The following MMP12 variants were observed in gnomAD, a reference collection of about 807,000 sequenced individuals.
MMP12 encodes the protein macrophage metalloelastase.
In MMP12, 51 loss-of-function variants were observed where a neutral mutation model predicts 45.2. The observed-to-expected ratio is 1.13, with a 90% CI of 0.90 to 1.42. The LOEUF (loss-of-function observed/expected upper bound fraction) is 1.42, where lower values mean the gene tolerates loss of function less well. Ranked by LOEUF, MMP12 falls within the 40% of genes most tolerant of loss-of-function variation. The pLI is 0.00. For synonymous variants in MMP12, 210 were observed against 193.3 expected (o/e 1.09, Z -0.72); for missense variants, 530 against 570.8 (o/e 0.93, Z 0.73).
At chr11:102,868,288 C>A (rs758594407) in intron 4 of MMP12, among the ~76,000 whole-genome samples, 5 of 152,122 alleles carry the variant, frequency 3.3e-5, no homozygotes, top group Non-Finnish European at 5.9e-5. Context: ...GGTTTTACCC[C>A]TAAATGCAAG....
chr11:102,872,727 A>G lies in MMP12; in HGVS notation c.350+138T>C, dbSNP rs1321744805. ...CAATTCTTCCTTCTAGAGAAAATGA[A>G]TTTTAGCAGAGATAGCATTAACAAT... On this transcript the variant is annotated intron_variant, in intron 2 of 9. Transcript: ENST00000571244. 4.1e-6 allele frequency: 4 copies of G among 965,472 alleles called. No homozygotes were observed. The Admixed American group carries it at 1.2e-4, about 28-fold the overall frequency. The allele number at this position is 965,472 out of a possible 1,614,324, so 59.8% of individuals were successfully genotyped here. A position where few individuals can be genotyped will look rare whatever the true frequency, so the allele number is the denominator to read the frequency against.
In MMP12 at chr11:102,865,484, C is replaced by T. The variant is rs777865722; in HGVS notation, c.1205+292G>A. ...TGTAGATTAAATACTTGGTCTTGTA[C>T]ATCTATGACACTATTTTCCAATGTG... On this transcript the variant is annotated intron_variant, in intron 8 of 9. Coordinates refer to ENST00000571244, the MANE Select transcript of MMP12 (RefSeq NM_002426.6). The surrounding 1 kb of genome is among the most constrained non-coding windows in gnomAD (Gnocchi z 4.1). Among the ~76,000 whole-genome samples the T allele has an allele frequency of 1.3e-5, 2 of 152,136 alleles. No homozygotes were observed. The highest frequency in any genetic ancestry group is 1.3e-4 in the Admixed American group (2 of 15,252).
chr11:102,868,621 T>A (rs1859439874), intron 4 of MMP12, among the ~76,000 whole-genome samples: 1 of 152,182 alleles, frequency 6.6e-6, no homozygotes, highest in Admixed American at 6.5e-5. Context: ...TGTGAGTCAC[T>A]GAGAAATGTA....
In MMP12 at chr11:102,863,132, T is replaced by C. The variant is rs200018102; in HGVS notation, c.1381A>G (p.Thr461Ala). 3.0e-5 allele frequency: 49 copies of C among 1,611,504 alleles called. No homozygotes were observed. The African/African-American group carries it at 6.3e-4, about 21-fold the overall frequency. Residue 461 changes from threonine (T) to alanine (A), a missense_variant, in exon 10 of 10, where the codon ACA becomes GCA. Coordinates refer to ENST00000571244, the MANE Select transcript of MMP12 (RefSeq NM_002426.6). Reference sequence around the variant, plus strand: ...CCAAACCAGCTATTGCTTTTCAGTGTTTTGGTGATACGTTGGAGTAGGAAG... The same window carrying C: ...CCAAACCAGCTATTGCTTTTCAGTGCTTTGGTGATACGTTGGAGTAGGAAG... Reference protein sequence around the residue: ...YDFLLQRITKTLKSNSWFGC With the variant: ...YDFLLQRITKALKSNSWFGC
Position 102,867,948 on chromosome 11 carries a change from G to A in MMP12, c.747C>T (p.Arg249=). The A allele has an allele frequency of 6.2e-7, 1 of 1,610,384 alleles. No individual in the cohort carries two copies. The highest frequency in any genetic ancestry group is 8.5e-7 in the Non-Finnish European group (1 of 1,178,490). Residue 249 remains arginine, a synonymous_variant, in exon 5 of 10, where the codon CGC becomes CGT. Coordinates refer to ENST00000571244, the MANE Select transcript of MMP12 (RefSeq NM_002426.6). ...TYKYVDINTF[R]LSADDIRGIQ... is the part of the protein sequence containing the mutation. ...TGCCACGTATGTCATCAGCAGAGAG[G>A]CGAAATGTGTTGATGTCAACATATT...
At chr11:102,873,631 AC>A (rs1859541866) in intron 1 of MMP12, among the ~76,000 whole-genome samples, 1 of 152,122 alleles carries the variant, frequency 6.6e-6, no homozygotes, top group African/African-American at 2.4e-5. Context: ...AAACAAAAAA[AC>A]AAAGACATGT....
chr11:102,868,153 A>G, intron 4 of MMP12, 84 bp from the exon 5 acceptor site: 1 of 1,187,540 alleles, frequency 8.4e-7, no homozygotes, highest in Non-Finnish European at 1.2e-6. Flanking sequence ...GTGAAAAAGA[A>G]AGATTTGAGA....
chr11:102,869,850 C>G (rs1440977643), intron 4 of MMP12, among the ~76,000 whole-genome samples: 7 of 151,956 alleles, frequency 4.6e-5, no homozygotes, highest in Non-Finnish European at 1.0e-4. Context: ...ACCCTGGAGG[C>G]GAAGGTTGCA....
At chr11:102,870,250 G>A (rs2134422099) in intron 4 of MMP12, among the ~76,000 whole-genome samples, 1 of 152,262 alleles carries the variant, frequency 6.6e-6, no homozygotes, top group Non-Finnish European at 1.5e-5. Flanking sequence ...TTTAGATGAA[G>A]GAATTACAAT....
At chr11:102,874,349 G>A (rs1447130471) in intron 1 of MMP12, among the ~76,000 whole-genome samples, 6 of 151,812 alleles carry the variant, frequency 4.0e-5, no homozygotes, top group African/African-American at 4.8e-5. Flanking sequence ...AGTTACAGAC[G>A]AGCCTGGGCA....
rs1859377299 is a variant in MMP12 at position 102,865,891 on chromosome 11, A to T, written c.1090T>A (p.Tyr364Asn). Reference protein sequence around the residue: ...LISNLRPEPNYPKSIHSFGFP... With the variant: ...LISNLRPEPNNPKSIHSFGFP... Reference sequence around the variant, plus strand: ...CCAAAAGAATGTATGCTCTTGGGATAATTTGGCTCTGGTCTTAAATTGCTA... The same window carrying T: ...CCAAAAGAATGTATGCTCTTGGGATTATTTGGCTCTGGTCTTAAATTGCTA... The change falls in exon 8 of 10, where the codon TAT becomes AAT. Residue 364 changes from tyrosine to asparagine, a missense_variant. Tyr to Asn is a moderately radical substitution (Grantham distance 143). Transcript: ENST00000571244. This position sits in a 1 kb window ranked among gnomAD's most constrained non-coding sequence, Gnocchi z 4.1. 1 of 1,612,958 alleles carries T rather than the reference A, an allele frequency of 6.2e-7. No individual in the cohort carries two copies. Among genetic ancestry groups the T allele is most frequent in the East Asian group, 2.2e-5 (1 of 44,844 alleles).
In MMP12 at chr11:102,874,845, T is replaced by C. The variant is rs201857298; in HGVS notation, c.93A>G (p.Leu31=). ...SSTSLEKNNV[L]FGERYLEKFY... Reference sequence around the variant, plus strand: ...TAGTGTCCATACTTACTTCACCAAATAGCACATTATTTTTTTCCAGGCTTG... The same window carrying C: ...TAGTGTCCATACTTACTTCACCAAACAGCACATTATTTTTTTCCAGGCTTG... The change falls in exon 1 of 10, where the codon CTA becomes CTG. Residue 31 remains leucine (L), a synonymous_variant. Coordinates refer to ENST00000571244, the MANE Select transcript of MMP12 (RefSeq NM_002426.6). The C allele has an allele frequency of 5.6e-6, 9 of 1,597,628 alleles. No individual in the cohort carries two copies. Among genetic ancestry groups the C allele is most frequent in the Non-Finnish European group, 6.8e-6 (8 of 1,169,922 alleles).
At position 102,865,780 on chromosome 11, in the gene MMP12, A is replaced by G; in HGVS notation, c.1201T>C (p.Trp401Arg). 1 of 1,609,274 alleles carries G rather than the reference A, an allele frequency of 6.2e-7. No homozygotes were observed. Among genetic ancestry groups the G allele is most frequent in the Non-Finnish European group, 8.5e-7 (1 of 1,177,540 alleles). Reference protein sequence around the residue: ...RTYFFVDNQYWRYDERRQMMD... With the variant: ...RTYFFVDNQYRRYDERRQMMD... ...TGACCAACCATTAAAACTCACCTCC[A>G]ATACTGGTTATCTACAAAGAAGTAG... Residue 401 changes from tryptophan (W) to arginine (R), a missense_variant, in exon 8 of 10, where the codon TGG (tryptophan) becomes CGG (arginine). By Grantham distance (101) the Trp-to-Arg change is moderately radical. Coordinates refer to ENST00000571244, the MANE Select transcript of MMP12 (RefSeq NM_002426.6). The surrounding 1 kb of genome is among the most constrained non-coding windows in gnomAD (Gnocchi z 4.1).
chr11:102,863,053 C>A lies in MMP12; in HGVS notation c.*47G>T. On this transcript the variant is annotated 3_prime_UTR_variant, in exon 10 of 10. Transcript: ENST00000571244. Reference sequence around the variant, plus strand: ...GGACATAGCAAATATGCAATAAATACTTATTAAGCTGAAGTGAACTAACAA... The same window carrying A: ...GGACATAGCAAATATGCAATAAATAATTATTAAGCTGAAGTGAACTAACAA... 1 of 1,241,402 alleles carries A rather than the reference C, an allele frequency of 8.1e-7. No homozygotes were observed. Among genetic ancestry groups the A allele is most frequent in the South Asian group, 1.3e-5 (1 of 76,912 alleles). 76.9% of individuals were successfully genotyped at this position (1,241,402 alleles called of 1,614,324 possible).
intron 6 of MMP12, 139 bp from the exon 7 acceptor site, chr11:102,866,587 T>C: frequency 2.3e-6 from 2 of 855,294 alleles, no homozygotes; most frequent in Non-Finnish European, 3.6e-6. Flanking sequence ...TGTCTGATGT[T>C]CATGGATCCA....
At chr11:102,866,050 A>G in intron 7 of MMP12, 115 bp from the exon 8 acceptor site, 1 of 915,660 alleles carries the variant, frequency 1.1e-6, no homozygotes, top group Non-Finnish European at 1.6e-6. Context: ...TTTATTGCTT[A>G]TTGATCTTAA....
In MMP12 at chr11:102,865,860, G is replaced by A. The variant is rs782790018; in HGVS notation, c.1121C>T (p.Pro374Leu). The change falls in exon 8 of 10, where the codon CCT (proline) becomes CTT (leucine). Residue 374 changes from proline to leucine, a missense_variant. Pro to Leu is a moderately conservative substitution (Grantham distance 98). Transcript: ENST00000571244. The surrounding 1 kb of genome is among the most constrained non-coding windows in gnomAD (Gnocchi z 4.1). Reference protein sequence around the residue: ...YPKSIHSFGFPNFVKKIDAAV... With the variant: ...YPKSIHSFGFLNFVKKIDAAV... ...TGCATCAATTTTTTTCACAAAGTTA[G>A]GAAAACCAAAAGAATGTATGCTCTT... is the stretch of plus-strand genomic sequence containing the variant. 17 of 1,613,000 alleles carry A rather than the reference G, an allele frequency of 1.1e-5. No homozygotes were observed. The highest frequency in any genetic ancestry group is 6.7e-5 in the Admixed American group (4 of 59,952).
rs1859529227 is a variant in MMP12, at chr11:102,872,978, C to T, written c.237G>A (p.Leu79=). The T allele has an allele frequency of 5.0e-6, 8 of 1,613,676 alleles. No individual in the cohort carries two copies. Among genetic ancestry groups the T allele is most frequent in the Non-Finnish European group, 5.9e-6 (7 of 1,179,750 alleles). ...GCATCATCTCCAGGGTAGATGTGTCCAGTTGCCCGGTCACTTTCAGACCCA... is the reference window on the plus strand; with the variant it reads ...GCATCATCTCCAGGGTAGATGTGTCTAGTTGCCCGGTCACTTTCAGACCCA... The part of the protein sequence containing the change: ...HFLGLKVTGQ[L]DTSTLEMMHA... The change falls in exon 2 of 10, where the codon CTG becomes CTA. Residue 79 remains leucine, a synonymous_variant. Coordinates refer to ENST00000571244, the MANE Select transcript of MMP12 (RefSeq NM_002426.6).
rs1555009869 is a variant in MMP12, at chr11:102,874,866, G to A, written c.72C>T (p.Ser24=). The A allele has an allele frequency of 6.2e-7, 1 of 1,606,358 alleles. No homozygotes were observed. The highest frequency in any genetic ancestry group is 1.3e-5 in the African/African-American group (1 of 74,966). The change falls in exon 1 of 10, where the codon AGC becomes AGT. Residue 24 remains serine, a synonymous_variant. Transcript: ENST00000571244. ...CAAATAGCACATTATTTTTTTCCAG[G>A]CTTGTAGAGCTGTTCAGGGGAAGAG... is the stretch of plus-strand genomic sequence containing the variant. ...SGALPLNSST[S]LEKNNVLFGE...
Sources: allele counts gnomAD v4.1 joint callset (sites outside exome capture counted in the v4.1 genomes callset), GRCh38; gene constraint gnomAD v4.1.1; non-coding constraint Gnocchi (gnomAD v3.1); transcripts MANE v1.5; gene names NCBI Gene and HGNC (gene_info 2026-07-23, HGNC 2026-07-21).